Variants in NCOA2 observed in about 807,000 individuals in gnomAD.
NCOA2 encodes the protein class E basic helix-loop-helix protein 75.
Under a neutral mutation model 145.1 loss-of-function variants are expected in NCOA2, and 21 were observed. That is an observed-to-expected ratio of 0.14 (90% CI 0.10 to 0.21). The LOEUF is 0.21. Among genes scored for constraint, NCOA2 ranks in the 10% least tolerant of loss-of-function variants. NCOA2 has a pLI of 1.00. For missense variants in NCOA2, 1,472 were observed against 1,837.6 expected (o/e 0.80, Z 3.64); for synonymous variants, 619 against 637.5 (o/e 0.97, Z 0.44).
intron 2 of NCOA2, among the ~76,000 whole-genome samples, chr8:70,229,251 T>C (rs1820926452): frequency 1.3e-5 from 2 of 152,196 alleles, no homozygotes; most frequent in African/African-American, 2.4e-5. Flanking sequence ...GACACTGCAA[T>C]ACAGTCACTG....
chr8:70,379,732 T>A (rs926495941), intron 1 of NCOA2, among the ~76,000 whole-genome samples: 1 of 152,096 alleles, frequency 6.6e-6, no homozygotes, highest in African/African-American at 2.4e-5. Flanking sequence ...GGATTGAGAT[T>A]TTTTTAAAAA....
intron 16 of NCOA2, among the ~76,000 whole-genome samples, chr8:70,131,102 A>C (rs1477489422): frequency 6.6e-6 from 1 of 152,194 alleles, no homozygotes. Flanking sequence ...AACATCCCCA[A>C]AATTATGGTG....
chr8:70,216,624 G>C (rs1228873687), intron 3 of NCOA2, 36 bp downstream of exon 3: 1 of 1,518,986 alleles, frequency 6.6e-7, no homozygotes, highest in South Asian at 1.1e-5. Context: ...GGCTTTAACA[G>C]ACAATACTGA....
chr8:70,225,725 A>G (rs79388508), intron 2 of NCOA2, among the ~76,000 whole-genome samples: 3,590 of 152,226 alleles, frequency 0.024, 143 homozygotes, highest in African/African-American at 0.081. Context: ...CAGATCTCTA[A>G]GATTCATAAT....
chr8:70,428,981 T>C, the NCOA2 span, among the ~76,000 whole-genome samples: 1 of 152,316 alleles, frequency 6.6e-6, no homozygotes, highest in South Asian at 2.1e-4. Context: ...AAGGAAGATA[T>C]ATTGTGGCTG....
chr8:70,137,133 G>A (rs1477601545), intron 15 of NCOA2, among the ~76,000 whole-genome samples: 1 of 152,178 alleles, frequency 6.6e-6, no homozygotes, highest in African/African-American at 2.4e-5. Context: ...TCTGCCTTCC[G>A]GGTTCAAGCG....
At chr8:70,425,082 A>G in the NCOA2 span, among the ~76,000 whole-genome samples, 1 of 152,216 alleles carries the variant, frequency 6.6e-6, no homozygotes, top group Non-Finnish European at 1.5e-5. Context: ...GTGATAGGCG[A>G]TGACAGAAAT....
At chr8:70,404,909 T>C (rs892625313), upstream of NCOA2, among the ~76,000 whole-genome samples, 9 of 152,172 alleles carry the variant, frequency 5.9e-5, no homozygotes, top group Admixed American at 5.9e-4. Flanking sequence ...ATGGCAGTTA[T>C]CAAACTATGA....
At chr8:70,227,331 C>A (rs1332363621) in intron 2 of NCOA2, among the ~76,000 whole-genome samples, 1 of 152,192 alleles carries the variant, frequency 6.6e-6, no homozygotes, top group Admixed American at 6.5e-5. Flanking sequence ...GAAAAAAGTA[C>A]AGGACCCAAA....
chr8:70,431,671 C>G, the NCOA2 span, among the ~76,000 whole-genome samples: 1 of 152,116 alleles, frequency 6.6e-6, no homozygotes, highest in Admixed American at 6.5e-5. Flanking sequence ...GCATTTCAAA[C>G]CTTGAATATG....
chr8:70,216,610 A>G, intron 3 of NCOA2, 50 bp downstream of exon 3: 1 of 1,415,124 alleles, frequency 7.1e-7, no homozygotes, highest in Non-Finnish European at 1.0e-6. Context: ...AGAAGCACTC[A>G]TGTGGCTTTA....
At chr8:70,361,967 C>T (rs185873957) in intron 1 of NCOA2, among the ~76,000 whole-genome samples, 1 of 152,274 alleles carries the variant, frequency 6.6e-6, no homozygotes, top group African/African-American at 2.4e-5. Flanking sequence ...AGCCGTATGG[C>T]CGCAGTATAA....
chr8:70,339,863 G>C (rs1016547232), intron 1 of NCOA2, among the ~76,000 whole-genome samples: 2 of 152,180 alleles, frequency 1.3e-5, no homozygotes, highest in Non-Finnish European at 2.9e-5. Flanking sequence ...TTAATAAATG[G>C]TGCTGGGAGA....
intron 1 of NCOA2, among the ~76,000 whole-genome samples, chr8:70,339,284 A>C (rs1320269889): frequency 2.0e-5 from 3 of 152,132 alleles, no homozygotes; most frequent in Admixed American, 1.3e-4. Flanking sequence ...CCTATACACC[A>C]AAGACAGGCA....
chr8:70,222,426 T>G (rs17676138), intron 2 of NCOA2, among the ~76,000 whole-genome samples: 14,787 of 152,298 alleles, frequency 0.097, 975 homozygotes, highest in Non-Finnish European at 0.15. Context: ...TGCTGTGTCT[T>G]AGTCCAGGAA....
At chr8:70,334,367 T>C (rs1807380966) in intron 1 of NCOA2, among the ~76,000 whole-genome samples, 4 of 152,174 alleles carry the variant, frequency 2.6e-5, no homozygotes, top group African/African-American at 7.2e-5. Flanking sequence ...TGTATCTTTC[T>C]GTGTCATGTG....
chr8:70,343,110 T>G (rs1471022343), intron 1 of NCOA2, among the ~76,000 whole-genome samples: 1 of 152,200 alleles, frequency 6.6e-6, no homozygotes, highest in Non-Finnish European at 1.5e-5. Flanking sequence ...CATTAGCAAG[T>G]GCCTAAAGTT....
intron 2 of NCOA2, among the ~76,000 whole-genome samples, chr8:70,232,543 T>C (rs1821227924): frequency 6.6e-6 from 1 of 152,186 alleles, no homozygotes; most frequent in Non-Finnish European, 1.5e-5. Flanking sequence ...CTTAGAAAGA[T>C]AGCCAACTCC....
At chr8:70,159,242 A>ATATATATATATATTTTTTT in intron 10 of NCOA2, among the ~76,000 whole-genome samples, 12 of 61,078 alleles carry the variant, frequency 2.0e-4, no homozygotes, top group African/African-American at 5.9e-4. Context: ...ATATATATAT[A>ATATATATATATATTTTTTT]TTTTTTTTTT....
Sources: gnomAD v4.1 joint callset for allele counts (sites outside exome capture counted in the v4.1 genomes callset) on GRCh38, gnomAD v4.1.1 for gene constraint, MANE v1.5 for transcripts, NCBI Gene and HGNC (gene_info 2026-07-23, HGNC 2026-07-21) for gene names.